The following THBS1 variants were observed in gnomAD, a reference collection of about 807,000 sequenced individuals.
THBS1 encodes thrombospondin 1.
THBS1 carries 29 observed loss-of-function variants against 126.1 expected under a neutral mutation model. The observed-to-expected ratio is 0.23, with a 90% CI of 0.17 to 0.31. THBS1 has a LOEUF of 0.31. Ranked by LOEUF, THBS1 falls within the 10% of genes least tolerant of loss-of-function variation. THBS1 has a pLI of 1.00. For synonymous variants in THBS1, 496 were observed against 577.8 expected (o/e 0.86, Z 2.03); for missense variants, 1,198 against 1,545.2 (o/e 0.78, Z 3.77).
rs1173299459 is a variant in THBS1 at position 39,591,411 on chromosome 15, G to A, written c.2413+61G>A. The A allele has an allele frequency of 6.9e-6, 11 of 1,598,282 alleles. No homozygotes were observed. In the East Asian group the frequency reaches 8.9e-5, roughly 13 times the overall value. ...CAGGGACATGCACAGCTTTCCAAAC[G>A]TACTTCTGTCTAGTCCTGGCTATTA... On this transcript the variant is annotated intron_variant, in intron 15 of 21. Coordinates refer to ENST00000260356, the MANE Select transcript of THBS1 (RefSeq NM_003246.4).
Position 39,593,361 on chromosome 15 carries a change from T to C in THBS1, c.2996-36T>C. ...ACATGATGGAGAACCTTCTGAAGGC[T>C]GCAGGTTTTAACCTGGCTCTGGGCT... On this transcript the variant is annotated intron_variant, in intron 18 of 21. Coordinates refer to ENST00000260356, the MANE Select transcript of THBS1 (RefSeq NM_003246.4). This position sits in a 1 kb window ranked among gnomAD's most constrained non-coding sequence, Gnocchi z 5.9. The C allele has an allele frequency of 1.9e-6, 3 of 1,613,126 alleles. No homozygotes were observed. The highest frequency in any genetic ancestry group is 2.5e-6 in the Non-Finnish European group (3 of 1,179,432).
rs1566840167 is a variant in THBS1, at chr15:39,588,127, G to C, written c.1380G>C (p.Arg460=). 2 of 1,614,208 alleles carry C rather than the reference G, an allele frequency of 1.2e-6. No individual in the cohort carries two copies. Residue 460 remains arginine, a synonymous_variant, in exon 9 of 22, where the codon CGG becomes CGC. Coordinates refer to ENST00000260356, the MANE Select transcript of THBS1 (RefSeq NM_003246.4). ...TCGDGVITRI[R]LCNSPSPQMN... is the part of the protein sequence containing the mutation. The stretch of plus-strand genomic sequence containing the variant: ...GTGATGGTGTGATCACAAGGATCCG[G>C]CTCTGCAACTCTCCCAGCCCCCAGA...
rs1336381892 is a variant in THBS1 at position 39,596,515 on chromosome 15, T to A, written c.*1146T>A. 6.6e-6 allele frequency: 1 copy of A among 152,302 alleles called. No individual in the cohort carries two copies. The highest frequency in any genetic ancestry group is 1.5e-5 in the Non-Finnish European group (1 of 68,104). 9.4% of individuals were successfully genotyped at this position (152,302 alleles called of 1,614,324 possible). A position where few individuals can be genotyped will look rare whatever the true frequency, so the allele number is the denominator to read the frequency against. On this transcript the variant is annotated 3_prime_UTR_variant, in exon 22 of 22. Transcript: ENST00000260356. ...ACTGTAAGATTGTAAATACAGATTA[T>A]TTATTAACTCTGTTCTGCCTGGAAA... is the stretch of plus-strand genomic sequence containing the variant.
Position 39,593,697 on chromosome 15 carries a change from A to C in THBS1, c.3267+29A>C, listed in dbSNP as rs1319400421. On this transcript the variant is annotated intron_variant, in intron 19 of 21. Coordinates refer to ENST00000260356, the MANE Select transcript of THBS1 (RefSeq NM_003246.4). The surrounding 1 kb of genome is among the most constrained non-coding windows in gnomAD (Gnocchi z 5.9). ...AGAAGCAAAGCCCTGGAACAGAGAG[A>C]GAGCTTATGGGTGCCTGACTAGCAC... 1 of 1,608,962 alleles carries C rather than the reference A, an allele frequency of 6.2e-7. No homozygotes were observed. Among genetic ancestry groups the C allele is most frequent in the East Asian group, 2.2e-5 (1 of 44,836 alleles).
In THBS1 at chr15:39,592,498, G is replaced by T; in HGVS notation, c.2533-70G>T. On this transcript the variant is annotated intron_variant, in intron 16 of 21. Transcript: ENST00000260356. This position sits in a 1 kb window ranked among gnomAD's most constrained non-coding sequence, Gnocchi z 4.3. ...ACAATGGAGAATTTTCCCTGTGGTG[G>T]GGGCATAAGTTATCTTTAACATGAA... The T allele has an allele frequency of 7.8e-7, 1 of 1,290,222 alleles. No homozygotes were observed. The highest frequency in any genetic ancestry group is 1.1e-6 in the Non-Finnish European group (1 of 929,644). The allele number at this position is 1,290,222 out of a possible 1,614,324, so 79.9% of individuals were successfully genotyped here. A position where few individuals can be genotyped will look rare whatever the true frequency, so the allele number is the denominator to read the frequency against.
chr15:39,597,280 G>GTTTTTTTTTTTTTTTTTTT lies in THBS1; in HGVS notation c.*1914_*1932dup. Reference sequence around the variant, plus strand: ...GTTGGTTTTTTCTTTTTTTTGTTTTGTTTTTTTTTTTTTTTTTTTTTGCTT... The same window carrying GTTTTTTTTTTTTTTTTTTT: ...GTTGGTTTTTTCTTTTTTTTGTTTTGTTTTTTTTTTTTTTTTTTTTTTTTTTTTTTTTTTTTTTTTGCTT... On this transcript the variant is annotated 3_prime_UTR_variant, in exon 22 of 22. Transcript: ENST00000260356. 24 of 48,060 alleles carry GTTTTTTTTTTTTTTTTTTT rather than the reference G, an allele frequency of 5.0e-4. No individual in the cohort carries two copies. Among genetic ancestry groups the GTTTTTTTTTTTTTTTTTTT allele is most frequent in the African/African-American group, 1.2e-3 (15 of 12,498 alleles). 3.0% of individuals were successfully genotyped at this position (48,060 alleles called of 1,614,324 possible). A position where few individuals can be genotyped will look rare whatever the true frequency, so the allele number is the denominator to read the frequency against.
At chr15:39,591,023 C>CT in intron 14 of THBS1, 168 bp from the exon 15 acceptor site, 2 of 735,558 alleles carry the variant, frequency 2.7e-6, no homozygotes, top group Non-Finnish European at 4.3e-6. Flanking sequence ...TAACTATGTC[C>CT]TTTTAACTTT....
chr15:39,591,012 T>G, intron 14 of THBS1, 179 bp from the exon 15 acceptor site: 1 of 682,472 alleles, frequency 1.5e-6, no homozygotes, highest in Non-Finnish European at 2.4e-6. Flanking sequence ...ATCCATTTTT[T>G]TAACTATGTC....
chr15:39,588,348 G>A (rs1263303305), intron 9 of THBS1, 130 bp downstream of exon 9: 3 of 1,305,414 alleles, frequency 2.3e-6, no homozygotes, highest in Non-Finnish European at 3.1e-6. Flanking sequence ...ACAAACAGAA[G>A]CAAAGTCCTG....
rs148528315 is a variant in THBS1, at chr15:39,584,797, C to T, written c.1026+375C>T. On this transcript the variant is annotated intron_variant, in intron 6 of 21. Transcript: ENST00000260356. The stretch of plus-strand genomic sequence containing the variant: ...AGCTTTGGCATAGGTTCTTTTAGTA[C>T]AGTAGCAATTGTTTTTCAAATCACT... Among the ~76,000 whole-genome samples, 15 of 151,982 alleles carry T rather than the reference C, an allele frequency of 9.9e-5. No individual in the cohort carries two copies. In the East Asian group the frequency reaches 2.9e-3, roughly 29 times the overall value.
intron 16 of THBS1, 23 bp downstream of exon 16, chr15:39,591,646 G>C: frequency 6.3e-7 from 1 of 1,590,454 alleles, no homozygotes; most frequent in East Asian, 2.2e-5. Context: ...ACTCCTTTCA[G>C]AGTCTTTCAG....
chr15:39,588,190 C>G lies in THBS1; in HGVS notation c.1443C>G (p.Thr481=), dbSNP rs755787978. Residue 481 remains threonine, a synonymous_variant, in exon 9 of 22, where the codon ACC becomes ACG. Coordinates refer to ENST00000260356, the MANE Select transcript of THBS1 (RefSeq NM_003246.4). ...CCTGTGAAGGCGAAGCGCGGGAGAC[C>G]AAAGCCTGCAAGAAAGACGCCTGCC... is the stretch of plus-strand genomic sequence containing the variant. ...GKPCEGEARE[T]KACKKDACPI... is the part of the protein sequence containing the mutation. 1 of 1,614,032 alleles carries G rather than the reference C, an allele frequency of 6.2e-7. No individual in the cohort carries two copies. The highest frequency in any genetic ancestry group is 1.1e-5 in the South Asian group (1 of 91,078).
intron 7 of THBS1, chr15:39,587,071 G>T (rs1055435478): frequency 3.4e-5 from 9 of 264,018 alleles, no homozygotes; most frequent in African/African-American, 2.0e-4. Context: ...TGCTAAGAGA[G>T]TAGATCTTAA....
In THBS1 at chr15:39,593,798, G is replaced by T; in HGVS notation, c.3267+130G>T. On this transcript the variant is annotated intron_variant, in intron 19 of 21. Coordinates refer to ENST00000260356, the MANE Select transcript of THBS1 (RefSeq NM_003246.4). This position sits in a 1 kb window ranked among gnomAD's most constrained non-coding sequence, Gnocchi z 5.9. ...TCCCAGCATCACCAGCTGCAGCATT[G>T]AACTCTGCTTTGTAAAAACATAATA... The T allele has an allele frequency of 7.4e-7, 1 of 1,344,062 alleles. No individual in the cohort carries two copies. The highest frequency in any genetic ancestry group is 1.0e-6 in the Non-Finnish European group (1 of 983,960). 83.3% of individuals were successfully genotyped at this position (1,344,062 alleles called of 1,614,324 possible). A position where few individuals can be genotyped will look rare whatever the true frequency, so the allele number is the denominator to read the frequency against.
At chr15:39,588,243 G>C (rs765439096) in intron 9 of THBS1, 25 bp downstream of exon 9, 2 of 1,607,142 alleles carry the variant, frequency 1.2e-6, no homozygotes, top group African/African-American at 1.3e-5. Context: ...CGCTGCAAGG[G>C]TGAGCATGGG....
rs763971510 is a variant in THBS1 at position 39,584,121 on chromosome 15, C to A, written c.837C>A (p.Ser279Arg). Residue 279 changes from serine (S) to arginine (R), a missense_variant, in exon 5 of 22, where the codon AGC (serine) becomes AGA (arginine). Physicochemically the swap from Ser to Arg is moderately radical, Grantham distance 110 (BLOSUM62 -1). Transcript: ENST00000260356. ...GCATCTCCTGTGATGAGCTGTCCAG[C>A]ATGGTCCTGGAACTCAGGGGCCTGC... ...ICGISCDELSSMVLELRGLRT... is the reference protein window; with the variant it reads ...ICGISCDELSRMVLELRGLRT... The A allele has an allele frequency of 3.1e-6, 5 of 1,614,122 alleles. No individual in the cohort carries two copies. In the Admixed American group the frequency reaches 6.7e-5, roughly 22 times the overall value.
chr15:39,582,866 A>G, intron 3 of THBS1, 114 bp downstream of exon 3: 1 of 1,200,242 alleles, frequency 8.3e-7, no homozygotes, highest in Non-Finnish European at 1.1e-6. Context: ...CTCAGATTTT[A>G]GGCAGCATGA....
rs767203395 is a variant in THBS1 at position 39,593,002 on chromosome 15, G to T, written c.2770G>T (p.Asp924Tyr). 2 of 1,613,124 alleles carry T rather than the reference G, an allele frequency of 1.2e-6. No homozygotes were observed. Among genetic ancestry groups the T allele is most frequent in the East Asian group, 4.5e-5 (2 of 44,878 alleles). The change falls in exon 18 of 22, where the codon GAT (aspartate) becomes TAT (tyrosine). Residue 924 changes from aspartate to tyrosine, a missense_variant and splice_region_variant. Transcript: ENST00000260356. The surrounding 1 kb of genome is among the most constrained non-coding windows in gnomAD (Gnocchi z 5.9). ...AACTCTTGCTTTTTTGACCTCAGGC[G>T]ATGGTCGAGGTGATGCCTGCAAAGA... is the stretch of plus-strand genomic sequence containing the variant. ...PNPDQKDSDG[D>Y]GRGDACKDDF...
At chr15:39,590,477 A>G in intron 13 of THBS1, 39 bp from the exon 14 acceptor site, 1 of 1,510,076 alleles carries the variant, frequency 6.6e-7, no homozygotes, top group Non-Finnish European at 9.1e-7. Flanking sequence ...AGCATGAGGA[A>G]GGCAACTGAA....
Sources: allele counts gnomAD v4.1 joint callset (sites outside exome capture counted in the v4.1 genomes callset), GRCh38; gene constraint gnomAD v4.1.1; non-coding constraint Gnocchi (gnomAD v3.1); transcripts MANE v1.5; gene names NCBI Gene and HGNC (gene_info 2026-07-23, HGNC 2026-07-21).